SLC4A7: variants seen among roughly 807,000 people sequenced by gnomAD.
SLC4A7 encodes the protein solute carrier family 4 member 7, also known as sodium bicarbonate cotransporter 3.
SLC4A7 carries 51 observed loss-of-function variants against 137.6 expected under a neutral mutation model. The observed-to-expected ratio is 0.37, with a 90% confidence interval of 0.30 to 0.47. SLC4A7 has a LOEUF of 0.47. SLC4A7 is among the 20% of genes least tolerant of loss of function. The pLI, the probability that SLC4A7 is intolerant of heterozygous loss-of-function variation, is 1.00. For synonymous variants in SLC4A7, 542 were observed against 518.6 expected, an observed-to-expected ratio of 1.05 and a Z score of -0.61; for missense variants, 1,247 against 1,525.4, an observed-to-expected ratio of 0.82 and a Z score of 3.04.
At chr3:27,474,089 A>G (rs1191247198) in intron 1 of SLC4A7, among the ~76,000 whole-genome samples, 3 of 152,194 alleles carry the variant, frequency 2.0e-5, no homozygotes, top group African/African-American at 7.2e-5. Context: ...CTGACTTTCT[A>G]TACTCTAGAG....
In SLC4A7 at chr3:27,372,871, A is replaced by G. The variant is rs543275290; in HGVS notation, c.*3893T>C. 1.3e-5 allele frequency: 2 copies of G among 152,742 alleles called. No individual in the cohort carries two copies. Among genetic ancestry groups the G allele is most frequent in the East Asian group, 3.9e-4 (2 of 5,194 alleles). The allele number at this position is 152,742 out of a possible 1,614,324, so 9.5% of individuals were successfully genotyped here. ...CTTATACTTCATATAAATGAAAAAT[A>G]TCAGTTCTACAATTTAAATGTTTAC... On this transcript the variant is annotated 3_prime_UTR_variant, in exon 26 of 26. Coordinates refer to ENST00000454389, the MANE Select transcript of SLC4A7 (RefSeq NM_001321103.2).
chr3:27,482,549 T>C (rs1044106422), intron 1 of SLC4A7, among the ~76,000 whole-genome samples: 12 of 152,274 alleles, frequency 7.9e-5, no homozygotes, highest in Middle Eastern at 3.4e-3. Flanking sequence ...GGCGGGTGGA[T>C]TGCCTGAGGT....
intron 25 of SLC4A7, among the ~76,000 whole-genome samples, chr3:27,377,965 G>T (rs532557855): frequency 1.2e-4 from 19 of 152,274 alleles, no homozygotes; most frequent in African/African-American, 4.3e-4. Context: ...AAGCATAAAA[G>T]ATGTTAGTTA....
intron 22 of SLC4A7, among the ~76,000 whole-genome samples, chr3:27,389,057 C>T (rs759114525): frequency 1.3e-5 from 2 of 151,884 alleles, no homozygotes; most frequent in African/African-American, 2.4e-5. Flanking sequence ...TCATTTTCTT[C>T]TTTACATGTG....
In SLC4A7 at chr3:27,411,668, A is replaced by G. The variant is rs150638347; in HGVS notation, c.1740T>C (p.Ala580=). 320 of 1,562,590 alleles carry G rather than the reference A, an allele frequency of 2.0e-4. No homozygotes were observed. Among genetic ancestry groups the G allele is most frequent in the Non-Finnish European group, 2.5e-4 (283 of 1,150,818 alleles). Residue 580 remains alanine (A), a synonymous_variant, in exon 12 of 26, where the codon GCT becomes GCC. Coordinates refer to ENST00000454389, the MANE Select transcript of SLC4A7 (RefSeq NM_001321103.2). ...GTCCAGTCCTCTGTAGCTCAGGCCC[A>G]GCATGATGAGCGGCCTCTTTAGGAG... ...GETPKEAAHH[A]GPELQRTGRL... is the part of the protein sequence containing the mutation.
chr3:27,463,694 G>A (rs1055589836), intron 1 of SLC4A7, among the ~76,000 whole-genome samples: 8 of 152,124 alleles, frequency 5.3e-5, no homozygotes, highest in African/African-American at 1.9e-4. Flanking sequence ...CCATTTGCCG[G>A]GGGGAAGAAC....
chr3:27,416,955 G>A (rs2054449474), intron 11 of SLC4A7, among the ~76,000 whole-genome samples: 2 of 152,076 alleles, frequency 1.3e-5, no homozygotes, highest in South Asian at 4.1e-4. Flanking sequence ...AAACCATTAC[G>A]CATATTTCTG....
rs757417979 is a variant in SLC4A7 at position 27,423,977 on chromosome 3, T to G, written c.1266+60A>C. 2.9e-6 allele frequency: 3 copies of G among 1,020,818 alleles called. No homozygotes were observed. In the South Asian group the frequency reaches 4.1e-5, roughly 14 times the overall value. The allele number at this position is 1,020,818 out of a possible 1,614,324, so 63.2% of individuals were successfully genotyped here. A position where few individuals can be genotyped will look rare whatever the true frequency, so the allele number is the denominator to read the frequency against. On this transcript the variant is annotated intron_variant, in intron 8 of 25. Coordinates refer to ENST00000454389, the MANE Select transcript of SLC4A7 (RefSeq NM_001321103.2). ...CAATGTTAATAATATTAGCCACAAA[T>G]TACTACTTATTTCCTCAGTAAGAAT...
chr3:27,425,095 G>A (rs1559731735), intron 7 of SLC4A7, among the ~76,000 whole-genome samples: 1 of 152,148 alleles, frequency 6.6e-6, no homozygotes, highest in Non-Finnish European at 1.5e-5. Context: ...ATTCAGCCGG[G>A]TGCAGTGGCT....
At position 27,431,602 on chromosome 3, in the gene SLC4A7, T is replaced by C; in HGVS notation, c.846A>G (p.Arg282=). 6.2e-7 allele frequency: 1 copy of C among 1,613,714 alleles called. No homozygotes were observed. The highest frequency in any genetic ancestry group is 8.5e-7 in the Non-Finnish European group (1 of 1,179,828). ...TGLSASNLSL[R]GESPLSLLLG... ...GAAGAAGAGATAAAGGTGATTCTCC[T>C]CTCAAGGAAAGGTTTGAGGCAGACA... Residue 282 remains arginine (R), a synonymous_variant, in exon 7 of 26, where the codon AGA becomes AGG. Transcript: ENST00000454389.
intron 7 of SLC4A7, among the ~76,000 whole-genome samples, chr3:27,428,110 A>G (rs1406909775): frequency 6.6e-6 from 1 of 152,194 alleles, no homozygotes; most frequent in Non-Finnish European, 1.5e-5. Context: ...AAATCTTGTT[A>G]GTTCTTAAGA....
chr3:27,443,035 T>TC (rs2057333638), intron 3 of SLC4A7, among the ~76,000 whole-genome samples: 1 of 140,174 alleles, frequency 7.1e-6, no homozygotes, highest in Non-Finnish European at 1.5e-5. Flanking sequence ...TTTTTTTCTT[T>TC]TTTTTTTTTT....
At chr3:27,378,758 G>T (rs2050138687) in intron 25 of SLC4A7, among the ~76,000 whole-genome samples, 1 of 152,100 alleles carries the variant, frequency 6.6e-6, no homozygotes, top group African/African-American at 2.4e-5. Context: ...TCTTTTCTTA[G>T]ACCATCACAG....
chr3:27,403,060 C>CA (rs1264754463), intron 15 of SLC4A7, 79 bp downstream of exon 15: 52 of 1,423,686 alleles, frequency 3.7e-5, no homozygotes, highest in Middle Eastern at 2.6e-4. Context: ...TATCACACTG[C>CA]AAAAAAAATT....
At chr3:27,467,707 T>C (rs2059067835) in intron 1 of SLC4A7, among the ~76,000 whole-genome samples, 1 of 152,154 alleles carries the variant, frequency 6.6e-6, no homozygotes, top group African/African-American at 2.4e-5. Context: ...GGCGACCATT[T>C]CAGTATTTAA....
chr3:27,440,774 T>A (rs985204488), intron 3 of SLC4A7, among the ~76,000 whole-genome samples: 3 of 150,898 alleles, frequency 2.0e-5, no homozygotes, highest in Non-Finnish European at 4.4e-5. Context: ...CCAGATGTGG[T>A]GGCTCACACC....
chr3:27,455,061 C>T (rs73822312), intron 1 of SLC4A7, among the ~76,000 whole-genome samples: 2 of 150,864 alleles, frequency 1.3e-5, no homozygotes, highest in African/African-American at 4.9e-5. Flanking sequence ...GCTGCTCCCA[C>T]TATATACTGT....
intron 23 of SLC4A7, 74 bp downstream of exon 23, chr3:27,385,818 A>G: frequency 1.0e-6 from 1 of 1,002,846 alleles, no homozygotes; most frequent in Non-Finnish European, 1.5e-6. Flanking sequence ...TAAAGTGATT[A>G]TAATGGTGCC....
At chr3:27,428,730 A>G (rs1402318073) in intron 7 of SLC4A7, among the ~76,000 whole-genome samples, 1 of 152,208 alleles carries the variant, frequency 6.6e-6, no homozygotes, top group African/African-American at 2.4e-5. Flanking sequence ...TACACATTAA[A>G]TAGGCTAATA....
Sources: allele counts gnomAD v4.1 joint callset (sites outside exome capture counted in the v4.1 genomes callset), GRCh38; gene constraint gnomAD v4.1.1; transcripts MANE v1.5; gene names NCBI Gene and HGNC (gene_info 2026-07-23, HGNC 2026-07-21).